Variants in KDM4C observed in about 807,000 individuals in gnomAD.
KDM4C encodes the protein lysine demethylase 4C, also known as lysine-specific demethylase 4C.
A neutral mutation model predicts 129.3 loss-of-function variants in KDM4C; 81 were observed. The observed-to-expected ratio is 0.63, with a 90% CI of 0.52 to 0.75. KDM4C has a LOEUF of 0.75. KDM4C is among the 30% of genes least tolerant of loss of function. The pLI, the probability that KDM4C is intolerant of heterozygous loss-of-function variation, is 0.00. For missense variants in KDM4C, 1,457 were observed against 1,304.0 expected (o/e 1.12, Z -1.81); for synonymous variants, 573 against 456.1 (o/e 1.26, Z -3.26).
chr9:7,003,745 T>C (rs1821151962), intron 12 of KDM4C, among the ~76,000 whole-genome samples: 1 of 152,240 alleles, frequency 6.6e-6, no homozygotes, highest in Non-Finnish European at 1.5e-5. Flanking sequence ...GTAATTTTTT[T>C]CTCTTTTGTA....
At chr9:6,821,915 G>C (rs1229809799) in intron 4 of KDM4C, among the ~76,000 whole-genome samples, 1 of 152,186 alleles carries the variant, frequency 6.6e-6, no homozygotes, top group Non-Finnish European at 1.5e-5. Flanking sequence ...GATTATAGGC[G>C]TGAGCTGCTG....
At chr9:7,122,122 T>A (rs1203027985) in intron 18 of KDM4C, among the ~76,000 whole-genome samples, 1 of 152,064 alleles carries the variant, frequency 6.6e-6, no homozygotes, top group Non-Finnish European at 1.5e-5. Flanking sequence ...TTCTGCAGGC[T>A]GTATAGGAAG....
chr9:7,082,030 C>T (rs762697404), intron 17 of KDM4C, among the ~76,000 whole-genome samples: 2 of 152,112 alleles, frequency 1.3e-5, no homozygotes, highest in Non-Finnish European at 2.9e-5. Flanking sequence ...GCCTTTGCCC[C>T]TGTGAAAAGC....
intron 8 of KDM4C, among the ~76,000 whole-genome samples, chr9:6,974,186 C>T (rs749691523): frequency 1.3e-5 from 2 of 152,110 alleles, no homozygotes; most frequent in African/African-American, 4.8e-5. Flanking sequence ...TGACTTACTT[C>T]CTAAGGTTCA....
At chr9:6,720,877 G>C (rs1268891728) in exon 1 of KDM4C, 1 of 1,346,762 alleles carries the variant, frequency 7.4e-7, no homozygotes, top group Non-Finnish European at 1.0e-6. Flanking sequence ...CTGACATGAT[G>C]GTCTGTGACC....
intron 19 of KDM4C, among the ~76,000 whole-genome samples, chr9:7,134,397 C>T (rs1840971950): frequency 6.6e-6 from 1 of 152,182 alleles, no homozygotes; most frequent in Non-Finnish European, 1.5e-5. Flanking sequence ...AGAACAAACT[C>T]ATTTGTTCCT....
intron 6 of KDM4C, among the ~76,000 whole-genome samples, chr9:6,880,578 A>G (rs1162545994): frequency 6.6e-6 from 1 of 152,178 alleles, no homozygotes; most frequent in Admixed American, 6.5e-5. Flanking sequence ...GTGAAGGTGA[A>G]TGGCTCTGAG....
intron 8 of KDM4C, among the ~76,000 whole-genome samples, chr9:6,955,251 G>A (rs542677354): frequency 6.6e-6 from 1 of 152,210 alleles, no homozygotes; most frequent in Non-Finnish European, 1.5e-5. Context: ...TTTGGTCAGT[G>A]ATAGGAGAAA....
chr9:7,030,872 A>G (rs2132355749), intron 15 of KDM4C, among the ~76,000 whole-genome samples: 1 of 152,260 alleles, frequency 6.6e-6, no homozygotes, highest in South Asian at 2.1e-4. Flanking sequence ...TGAAAAATGT[A>G]AGAGCACTTT....
intron 1 of KDM4C, among the ~76,000 whole-genome samples, chr9:6,759,477 G>A (rs1050429047): frequency 4.6e-5 from 7 of 152,250 alleles, no homozygotes; most frequent in Non-Finnish European, 8.8e-5. Flanking sequence ...CCCGCCCATA[G>A]TTTGTTTTGG....
intron 4 of KDM4C, among the ~76,000 whole-genome samples, chr9:6,842,334 T>TTTTTTG (rs1554714659): frequency 4.7e-4 from 58 of 124,150 alleles, no homozygotes; most frequent in East Asian, 1.3e-3. Flanking sequence ...TTTTTTTTTT[T>TTTTTTG]GAGACGGAGT....
chr9:6,731,146 G>C (rs1053885496), intron 1 of KDM4C, among the ~76,000 whole-genome samples: 1 of 152,030 alleles, frequency 6.6e-6, no homozygotes. Flanking sequence ...CTGGGAAACA[G>C]AACACTGTGG....
chr9:6,906,177 A>G (rs551859934), intron 8 of KDM4C, among the ~76,000 whole-genome samples: 1 of 152,332 alleles, frequency 6.6e-6, no homozygotes, highest in African/African-American at 2.4e-5. Context: ...TGTTGATTTC[A>G]TGATGAGAGA....
intron 8 of KDM4C, among the ~76,000 whole-genome samples, chr9:6,899,398 A>G (rs538982152): frequency 6.6e-6 from 1 of 152,194 alleles, no homozygotes; most frequent in South Asian, 2.1e-4. Context: ...AACCAGACCA[A>G]AGTCCGTAGT....
chr9:7,087,857 G>C (rs1484562168), intron 17 of KDM4C, among the ~76,000 whole-genome samples: 6 of 152,182 alleles, frequency 3.9e-5, no homozygotes, highest in African/African-American at 1.4e-4. Flanking sequence ...CTTATGATGA[G>C]AAATTTTGTG....
chr9:6,858,600 CCTCTGT>C (rs1344497904), intron 5 of KDM4C, among the ~76,000 whole-genome samples: 1 of 151,988 alleles, frequency 6.6e-6, no homozygotes, highest in African/African-American at 2.4e-5. Flanking sequence ...ATAGCAAAAC[CCTCTGT>C]CTACTAAATA....
chr9:7,103,832 A>C lies in KDM4C; in HGVS notation c.2572A>C (p.Asn858His). Reference sequence around the variant, plus strand: ...GCCTGATGACTGGCCTTATGTGGTGAACATTACATGCTTTCGACATAAGGT... The same window carrying C: ...GCCTGATGACTGGCCTTATGTGGTGCACATTACATGCTTTCGACATAAGGT... ...MEPDDWPYVVNITCFRHKVNP... is the reference protein window; with the variant it reads ...MEPDDWPYVVHITCFRHKVNP... Residue 858 changes from asparagine to histidine, a missense_variant, in exon 18 of 22, where the codon AAC (asparagine) becomes CAC (histidine). By Grantham distance (68) the Asn-to-His change is moderately conservative. Transcript: ENST00000381309. 6.2e-7 allele frequency: 1 copy of C among 1,613,980 alleles called. No homozygotes were observed. Among genetic ancestry groups the C allele is most frequent in the Non-Finnish European group, 8.5e-7 (1 of 1,179,940 alleles).
intron 8 of KDM4C, among the ~76,000 whole-genome samples, chr9:6,921,991 A>T (rs865777907): frequency 2.0e-5 from 3 of 152,142 alleles, no homozygotes; most frequent in Non-Finnish European, 4.4e-5. Context: ...TCATTTCTCA[A>T]TTTGAATTGG....
intron 18 of KDM4C, among the ~76,000 whole-genome samples, chr9:7,119,283 C>CGT (rs1839248820): frequency 6.6e-6 from 1 of 152,016 alleles, no homozygotes; most frequent in South Asian, 2.1e-4. Flanking sequence ...TTGGCTGCTG[C>CGT]GTCATTAAAT....
Sources: gnomAD v4.1 joint callset for allele counts (sites outside exome capture counted in the v4.1 genomes callset) on GRCh38, gnomAD v4.1.1 for gene constraint, MANE v1.5 for transcripts, NCBI Gene and HGNC (gene_info 2026-07-23, HGNC 2026-07-21) for gene names.